The following SLC38A3 variants were observed in gnomAD, a reference collection of about 807,000 sequenced individuals.
SLC38A3 encodes the protein sodium-coupled neutral amino acid transporter 3.
A neutral mutation model predicts 59.5 loss-of-function variants in SLC38A3; 17 were observed. That is an observed-to-expected ratio of 0.29 (90% CI 0.20 to 0.43). SLC38A3 has a LOEUF of 0.43. Ranked by LOEUF, SLC38A3 falls within the 20% of genes least tolerant of loss-of-function variation. SLC38A3 has a pLI of 1.00. For synonymous variants in SLC38A3, 238 were observed against 260.3 expected (o/e 0.91, Z 0.82); for missense variants, 454 against 653.9 (o/e 0.69, Z 3.33).
chr3:50,206,221 C>T (rs1003324792), intron 1 of SLC38A3, among the ~76,000 whole-genome samples: 1 of 152,268 alleles, frequency 6.6e-6, no homozygotes, highest in African/African-American at 2.4e-5. Context: ...CTTTTCCCCC[C>T]ACGGGGACCT....
rs1218588028 is a variant in SLC38A3 at position 50,218,464 on chromosome 3, C to T, written c.1036+94C>T. On this transcript the variant is annotated intron_variant, in intron 12 of 15. Coordinates refer to ENST00000614032, the MANE Select transcript of SLC38A3 (RefSeq NM_006841.6). This position sits in a 1 kb window ranked among gnomAD's most constrained non-coding sequence, Gnocchi z 5.8. ...CCCTCCATACCGAGGCGTGTGGTGC[C>T]TGGCTGTGCCTTGCCGCTGTGGAGG... 2.6e-6 allele frequency: 4 copies of T among 1,545,724 alleles called. No homozygotes were observed. The African/African-American group carries it at 5.4e-5, about 21-fold the overall frequency.
chr3:50,215,234 G>A lies in SLC38A3; in HGVS notation c.300-152G>A. 1 of 673,262 alleles carries A rather than the reference G, an allele frequency of 1.5e-6. No homozygotes were observed. Among genetic ancestry groups the A allele is most frequent in the Middle Eastern group, 4.1e-4 (1 of 2,468 alleles). The allele number at this position is 673,262 out of a possible 1,614,324, so 41.7% of individuals were successfully genotyped here. A position where few individuals can be genotyped will look rare whatever the true frequency, so the allele number is the denominator to read the frequency against. The stretch of plus-strand genomic sequence containing the variant: ...AGGGGGTGGTGTTCATCACCCCTGG[G>A]GCCTGCTGAGCTGGCATCCATACCT... On this transcript the variant is annotated intron_variant, in intron 4 of 15. Transcript: ENST00000614032. This position sits in a 1 kb window ranked among gnomAD's most constrained non-coding sequence, Gnocchi z 7.1.
At position 50,218,984 on chromosome 3, in the gene SLC38A3, GC is replaced by G; in HGVS notation, c.1306+40del. 1 of 1,588,900 alleles carries G rather than the reference GC, an allele frequency of 6.3e-7. No individual in the cohort carries two copies. Reference sequence around the variant, plus strand: ...GGCCCTGCTGTGGAAGCAGGGTATTGCCCCAGAGGATTTCAACTCTGCAAAT... The same window carrying G: ...GGCCCTGCTGTGGAAGCAGGGTATTGCCCAGAGGATTTCAACTCTGCAAAT... On this transcript the variant is annotated intron_variant, in intron 14 of 15. Transcript: ENST00000614032. This position sits in a 1 kb window ranked among gnomAD's most constrained non-coding sequence, Gnocchi z 5.8.
chr3:50,218,578 C>T lies in SLC38A3; in HGVS notation c.1037-15C>T. On this transcript the variant is annotated splice_polypyrimidine_tract_variant and intron_variant, in intron 12 of 15. Transcript: ENST00000614032. This position sits in a 1 kb window ranked among gnomAD's most constrained non-coding sequence, Gnocchi z 5.8. ...CCTGGGGCCACCTACTGACCACCCTCCCTGCCTGCCACAGACGGGGTGGAG... is the reference window on the plus strand; with the variant it reads ...CCTGGGGCCACCTACTGACCACCCTTCCTGCCTGCCACAGACGGGGTGGAG... The T allele has an allele frequency of 6.2e-7, 1 of 1,610,284 alleles. No homozygotes were observed. The highest frequency in any genetic ancestry group is 8.5e-7 in the Non-Finnish European group (1 of 1,178,274).
In SLC38A3 at chr3:50,214,349, G is replaced by T. The variant is rs748156306; in HGVS notation, c.101+49G>T. ...GTGGCTGAAGACAGGGCAGGGCAGG[G>T]ATACAGAGCAAAGGGCTGGAGCTGA... On this transcript the variant is annotated intron_variant, in intron 2 of 15. Transcript: ENST00000614032. This position sits in a 1 kb window ranked among gnomAD's most constrained non-coding sequence, Gnocchi z 6.0. 1 of 1,608,646 alleles carries T rather than the reference G, an allele frequency of 6.2e-7. No individual in the cohort carries two copies. The highest frequency in any genetic ancestry group is 1.1e-5 in the South Asian group (1 of 90,332).
chr3:50,220,053 C>T lies in SLC38A3; in HGVS notation c.1411-20C>T. On this transcript the variant is annotated intron_variant, in intron 15 of 15. Coordinates refer to ENST00000614032, the MANE Select transcript of SLC38A3 (RefSeq NM_006841.6). ...GAACTGCCCTGACCTCGGACCTGAC[C>T]CTGACTTCTGATTCCACAGGCCCTG... The T allele has an allele frequency of 1.2e-6, 2 of 1,603,090 alleles. No individual in the cohort carries two copies. The highest frequency in any genetic ancestry group is 1.7e-6 in the Non-Finnish European group (2 of 1,174,186).
chr3:50,213,539 C>T lies in SLC38A3; in HGVS notation c.-51-610C>T, dbSNP rs186842080. Among the ~76,000 whole-genome samples, 278 of 152,348 alleles carry T rather than the reference C, an allele frequency of 1.8e-3. 2 individuals carry two copies. The highest frequency in any genetic ancestry group is 6.0e-3 in the African/African-American group (251 of 41,588). On this transcript the variant is annotated intron_variant, in intron 1 of 15. Coordinates refer to ENST00000614032, the MANE Select transcript of SLC38A3 (RefSeq NM_006841.6). ...CTGGGGAGGGGGGACAGCCTCTGCG[C>T]CTGCCGTTCCCAGCGCCAGCTCTCA...
chr3:50,211,637 G>A (rs1346806539), intron 1 of SLC38A3, among the ~76,000 whole-genome samples: 1 of 139,638 alleles, frequency 7.2e-6, no homozygotes, highest in African/African-American at 2.7e-5. Context: ...TGCCCAGGCT[G>A]GAGTGCAATG....
chr3:50,214,694 C>T lies in SLC38A3; in HGVS notation c.225C>T (p.Leu75=). ...CATTCGGGATGTCAGTGTTCAACCT[C>T]AGCAATGCCATCATGGGCAGCGGCA... ...KTSFGMSVFN[L]SNAIMGSGIL... is the part of the protein sequence containing the mutation. The change falls in exon 4 of 16, where the codon CTC becomes CTT. Residue 75 remains leucine, a synonymous_variant. Transcript: ENST00000614032. This position sits in a 1 kb window ranked among gnomAD's most constrained non-coding sequence, Gnocchi z 6.0. The T allele has an allele frequency of 6.2e-7, 1 of 1,613,636 alleles. No homozygotes were observed. The highest frequency in any genetic ancestry group is 1.1e-5 in the South Asian group (1 of 90,982).
At position 50,218,336 on chromosome 3, in the gene SLC38A3, C is replaced by A. The variant is rs1223759036; in HGVS notation, c.1002C>A (p.Phe334Leu). 8 of 1,613,226 alleles carry A rather than the reference C, an allele frequency of 5.0e-6. No homozygotes were observed. The South Asian group carries it at 7.7e-5, about 15-fold the overall frequency. ...TCGCTGTCATGTACATCATGTACTTCCTGGCTGCCCTCTTCGGCTACCTCA... is the reference window on the plus strand; with the variant it reads ...TCGCTGTCATGTACATCATGTACTTACTGGCTGCCCTCTTCGGCTACCTCA... Reference protein sequence around the residue: ...LSIAVMYIMYFLAALFGYLTF... With the variant: ...LSIAVMYIMYLLAALFGYLTF... The change falls in exon 12 of 16, where the codon TTC becomes TTA. Residue 334 changes from phenylalanine (F) to leucine (L), a missense_variant. Phe to Leu is a conservative substitution (Grantham distance 22, BLOSUM62 0). This residue lies in a region of SLC38A3 where 390 missense variants were observed against 557.9 expected (regional missense o/e 0.70). Coordinates refer to ENST00000614032, the MANE Select transcript of SLC38A3 (RefSeq NM_006841.6). The surrounding 1 kb of genome is among the most constrained non-coding windows in gnomAD (Gnocchi z 5.8).
At position 50,214,116 on chromosome 3, in the gene SLC38A3, C is replaced by G; in HGVS notation, c.-51-33C>G. On this transcript the variant is annotated intron_variant, in intron 1 of 15. Coordinates refer to ENST00000614032, the MANE Select transcript of SLC38A3 (RefSeq NM_006841.6). The surrounding 1 kb of genome is among the most constrained non-coding windows in gnomAD (Gnocchi z 6.0). ...GAGGCTAGGCCGTAGGCCCAAGTAA[C>G]GGGGCTAACCAGAGGGACCGGCTGC... is the stretch of plus-strand genomic sequence containing the variant. The G allele has an allele frequency of 7.4e-7, 1 of 1,344,832 alleles. No homozygotes were observed. Among genetic ancestry groups the G allele is most frequent in the South Asian group, 1.3e-5 (1 of 78,574 alleles). 83.3% of individuals were successfully genotyped at this position (1,344,832 alleles called of 1,614,324 possible).
In SLC38A3 at chr3:50,209,348, A is replaced by G. The variant is rs558397494; in HGVS notation, c.-52+4000A>G. Among the ~76,000 whole-genome samples the G allele has an allele frequency of 4.6e-5, 7 of 152,290 alleles. No individual in the cohort carries two copies. In the East Asian group the frequency reaches 1.4e-3, roughly 29 times the overall value. On this transcript the variant is annotated intron_variant, in intron 1 of 15. Coordinates refer to ENST00000614032, the MANE Select transcript of SLC38A3 (RefSeq NM_006841.6). ...TTAGGCCCAGCTACAAGCATCTGTT[A>G]GAAAACGTACCTGGCCATGGCCGGG...
At position 50,214,829 on chromosome 3, in the gene SLC38A3, C is replaced by T; in HGVS notation, c.299+61C>T. On this transcript the variant is annotated intron_variant, in intron 4 of 15. Transcript: ENST00000614032. The surrounding 1 kb of genome is among the most constrained non-coding windows in gnomAD (Gnocchi z 6.0). ...CCCTAAGCAAGCCACCAATCATGAC[C>T]TCCCAGGACCCGCCAGTTCCCTGTC... The T allele has an allele frequency of 1.8e-6, 2 of 1,091,946 alleles. No homozygotes were observed. 67.6% of individuals were successfully genotyped at this position (1,091,946 alleles called of 1,614,324 possible).
rs746628117 is a variant in SLC38A3 at position 50,214,618 on chromosome 3, C to T, written c.184-35C>T. Reference sequence around the variant, plus strand: ...CGATGCCCCTGTCCCTTGCTGACTCCTCCCACCCTCCCCGTCCCATTCTGG... The same window carrying T: ...CGATGCCCCTGTCCCTTGCTGACTCTTCCCACCCTCCCCGTCCCATTCTGG... On this transcript the variant is annotated intron_variant, in intron 3 of 15. Coordinates refer to ENST00000614032, the MANE Select transcript of SLC38A3 (RefSeq NM_006841.6). The surrounding 1 kb of genome is among the most constrained non-coding windows in gnomAD (Gnocchi z 6.0). The T allele has an allele frequency of 1.2e-5, 19 of 1,526,404 alleles. No homozygotes were observed. Among genetic ancestry groups the T allele is most frequent in the Non-Finnish European group, 1.6e-5 (18 of 1,110,338 alleles). The allele number at this position is 1,526,404 out of a possible 1,614,324, so 94.6% of individuals were successfully genotyped here.
rs1212982870 is a variant in SLC38A3 at position 50,218,576 on chromosome 3, C to G, written c.1037-17C>G. The G allele has an allele frequency of 6.2e-7, 1 of 1,609,946 alleles. No individual in the cohort carries two copies. The highest frequency in any genetic ancestry group is 8.5e-7 in the Non-Finnish European group (1 of 1,178,112). ...TTCCTGGGGCCACCTACTGACCACCCTCCCTGCCTGCCACAGACGGGGTGG... is the reference window on the plus strand; with the variant it reads ...TTCCTGGGGCCACCTACTGACCACCGTCCCTGCCTGCCACAGACGGGGTGG... On this transcript the variant is annotated splice_polypyrimidine_tract_variant and intron_variant, in intron 12 of 15. Transcript: ENST00000614032. The surrounding 1 kb of genome is among the most constrained non-coding windows in gnomAD (Gnocchi z 5.8).
Position 50,219,935 on chromosome 3 carries a change from G to C in SLC38A3, c.1361G>C (p.Arg454Pro), listed in dbSNP as rs368987135. 6.2e-7 allele frequency: 1 copy of C among 1,613,416 alleles called. No homozygotes were observed. The highest frequency in any genetic ancestry group is 8.5e-7 in the Non-Finnish European group (1 of 1,179,682). The change falls in exon 15 of 16, where the codon CGA becomes CCA. Residue 454 changes from arginine (R) to proline (P), a missense_variant. Arg to Pro is a moderately radical substitution (Grantham distance 103, BLOSUM62 -2). Around this residue, in one of 3 missense-constraint regions of SLC38A3, gnomAD observed 59 missense variants for 70.8 expected, o/e 0.83. Coordinates refer to ENST00000614032, the MANE Select transcript of SLC38A3 (RefSeq NM_006841.6). ...IFIFPAIFYF[R>P]IMPTEKEPAR... ...ATCTTCCCTGCCATCTTCTACTTCC[G>C]AATCATGCCCACGGAGAAGGAGCCT...
intron 1 of SLC38A3, among the ~76,000 whole-genome samples, chr3:50,208,307 G>C (rs1381774149): frequency 4.0e-5 from 6 of 149,992 alleles, no homozygotes; most frequent in Non-Finnish European, 8.9e-5. Context: ...GTGTTACCCA[G>C]GCTGGAGTGC....
rs1322434683 is a variant in SLC38A3 at position 50,219,946 on chromosome 3, A to C, written c.1372A>C (p.Thr458Pro). The C allele has an allele frequency of 6.2e-7, 1 of 1,613,206 alleles. No individual in the cohort carries two copies. The highest frequency in any genetic ancestry group is 8.5e-7 in the Non-Finnish European group (1 of 1,179,628). The stretch of plus-strand genomic sequence containing the variant: ...CATCTTCTACTTCCGAATCATGCCC[A>C]CGGAGAAGGAGCCTGCAAGATCCAC... ...PAIFYFRIMP[T>P]EKEPARSTPK... Residue 458 changes from threonine (T) to proline (P), a missense_variant, in exon 15 of 16, where the codon ACG becomes CCG. Coordinates refer to ENST00000614032, the MANE Select transcript of SLC38A3 (RefSeq NM_006841.6).
intron 1 of SLC38A3, among the ~76,000 whole-genome samples, chr3:50,210,044 A>G (rs1699702501): frequency 6.6e-6 from 1 of 152,210 alleles, no homozygotes; most frequent in South Asian, 2.1e-4. Flanking sequence ...CCCTGACCCC[A>G]GCAATCAGCT....
Sources: allele counts gnomAD v4.1 joint callset (sites outside exome capture counted in the v4.1 genomes callset), GRCh38; gene constraint gnomAD v4.1.1; regional missense constraint gnomAD v4.1.1; non-coding constraint Gnocchi (gnomAD v3.1); transcripts MANE v1.5; gene names NCBI Gene and HGNC (gene_info 2026-07-23, HGNC 2026-07-21).